The following IL16 variants were observed in gnomAD, a reference collection of about 807,000 sequenced individuals.
IL16 encodes the protein interleukin 16.
IL16 carries 67 observed loss-of-function variants against 110.1 expected under a neutral mutation model. The ratio of observed to expected loss-of-function variants is 0.61; its 90% confidence interval spans 0.50 to 0.75. The LOEUF is 0.75. IL16 is among the 30% of genes least tolerant of loss of function. The probability of loss-of-function intolerance (pLI) is 0.00; values close to 1 mark genes in which losing one functional copy is unlikely to be tolerated. For missense variants in IL16, 1,545 were observed against 1,655.0 expected (o/e 0.93, Z 1.15); for synonymous variants, 689 against 662.9 (o/e 1.04, Z -0.61).
At chr15:81,191,947 A>G (rs961106400), upstream of IL16, among the ~76,000 whole-genome samples, 1 of 152,198 alleles carries the variant, frequency 6.6e-6, no homozygotes, top group Non-Finnish European at 1.5e-5. Flanking sequence ...GAATTTGGGT[A>G]TTATTTTGGA....
rs746672719 is a variant in IL16, at chr15:81,278,799, C to CT, written c.791-15dup. On this transcript the variant is annotated splice_polypyrimidine_tract_variant and intron_variant, in intron 6 of 18. Transcript: ENST00000683961. ...TTGGGCAACACTCTTCTTAGCTACA[C>CT]TTTCTCTCTCTAAACAGGTGATGAA... 6.4e-7 allele frequency: 1 copy of CT among 1,565,560 alleles called. No individual in the cohort carries two copies. Among genetic ancestry groups the CT allele is most frequent in the African/African-American group, 1.4e-5 (1 of 73,718 alleles).
chr15:81,198,203 G>A (rs1480481230), intron 1 of IL16, among the ~76,000 whole-genome samples: 2 of 151,984 alleles, frequency 1.3e-5, no homozygotes, highest in Admixed American at 6.6e-5. Context: ...ATAAAACTTA[G>A]TACCCCAACC....
chr15:81,293,139 T>G (rs1310299016), intron 12 of IL16, 102 bp downstream of exon 12: 1 of 1,263,202 alleles, frequency 7.9e-7, no homozygotes, highest in Non-Finnish European at 1.1e-6. Flanking sequence ...GAATGAAAGT[T>G]TCTCCTGCTC....
intron 2 of IL16, among the ~76,000 whole-genome samples, chr15:81,234,475 T>C (rs1199816766): frequency 2.6e-5 from 4 of 152,208 alleles, no homozygotes; most frequent in African/African-American, 4.8e-5. Flanking sequence ...ATTAGTCTTA[T>C]ATAAATTTGT....
intron 2 of IL16, among the ~76,000 whole-genome samples, chr15:81,238,824 T>G (rs1897256088): frequency 7.0e-6 from 1 of 141,894 alleles, no homozygotes; most frequent in South Asian, 2.1e-4. Context: ...ATGAATTCTT[T>G]TAGTTTTTTT....
At position 81,292,779 on chromosome 15, in the gene IL16, G is replaced by A. The variant is rs544587645; in HGVS notation, c.1644G>A (p.Leu548=). The change falls in exon 12 of 19, where the codon CTG becomes CTA. Residue 548 remains leucine (L), a synonymous_variant. Coordinates refer to ENST00000683961, the MANE Select transcript of IL16 (RefSeq NM_172217.5). The stretch of plus-strand genomic sequence containing the variant: ...GCACACACAGCCCCAGCTTGCCTCT[G>A]GCACGGGAGCCAGTGGTGCTTTCTA... ...DISTHSPSLP[L]AREPVVLSIA... 8.2e-5 allele frequency: 132 copies of A among 1,614,176 alleles called. 1 individual carries two copies. The South Asian group carries it at 1.4e-3, about 17-fold the overall frequency.
chr15:81,211,186 A>T (rs1418376048), intron 1 of IL16, among the ~76,000 whole-genome samples: 1 of 151,256 alleles, frequency 6.6e-6, no homozygotes, highest in African/African-American at 2.4e-5. Flanking sequence ...CAACCTCCTG[A>T]GTAGCTGGGA....
chr15:81,287,586 TC>T (rs907710765), intron 10 of IL16, among the ~76,000 whole-genome samples: 11 of 152,000 alleles, frequency 7.2e-5, no homozygotes, highest in South Asian at 2.1e-4. Context: ...GTGTGATATT[TC>T]CCCCCCAACT....
intron 1 of IL16, among the ~76,000 whole-genome samples, chr15:81,202,895 G>T (rs1204750243): frequency 6.6e-6 from 1 of 150,940 alleles, no homozygotes; most frequent in East Asian, 2.0e-4. Flanking sequence ...CTGAGGAATC[G>T]CCACACTGAC....
intron 10 of IL16, 112 bp from the exon 11 acceptor site, chr15:81,290,341 T>C: frequency 1.5e-6 from 1 of 645,490 alleles, no homozygotes; most frequent in South Asian, 2.1e-5. Context: ...CAGAGTGGGT[T>C]GAAATAAAAT....
intron 6 of IL16, among the ~76,000 whole-genome samples, chr15:81,276,901 C>T (rs1398036946): frequency 6.6e-6 from 1 of 152,010 alleles, no homozygotes; most frequent in African/African-American, 2.4e-5. Flanking sequence ...GCAGAAATAA[C>T]AAAGAGGAGC....
chr15:81,266,631 CCTT>C (rs1039986275), intron 4 of IL16, among the ~76,000 whole-genome samples: 11 of 152,192 alleles, frequency 7.2e-5, no homozygotes, highest in African/African-American at 2.7e-4. Context: ...TCTCACCCCT[CCTT>C]CTCTGATCTC....
At chr15:81,228,596 G>A (rs1896870095) in intron 2 of IL16, among the ~76,000 whole-genome samples, 2 of 152,056 alleles carry the variant, frequency 1.3e-5, no homozygotes, top group Non-Finnish European at 2.9e-5. Flanking sequence ...AGTGCTTGGG[G>A]GAGTGAGCCA....
chr15:81,281,767 A>G (rs1280546428), intron 8 of IL16, among the ~76,000 whole-genome samples: 1 of 152,216 alleles, frequency 6.6e-6, no homozygotes, highest in East Asian at 1.9e-4. Context: ...TTATTTGTTA[A>G]GTTTCTATAC....
At chr15:81,234,017 C>A (rs1445686966) in intron 2 of IL16, among the ~76,000 whole-genome samples, 2 of 152,084 alleles carry the variant, frequency 1.3e-5, no homozygotes, top group African/African-American at 4.8e-5. Context: ...AATGCTCTTA[C>A]AATTTCGAAA....
rs1900422447 is a variant in IL16, at chr15:81,303,959, G to A, written c.3420+309G>A. Among the ~76,000 whole-genome samples, 1 of 152,204 alleles carries A rather than the reference G, an allele frequency of 6.6e-6. No individual in the cohort carries two copies. Among genetic ancestry groups the A allele is most frequent in the African/African-American group, 2.4e-5 (1 of 41,440 alleles). On this transcript the variant is annotated intron_variant, in intron 16 of 18. Coordinates refer to ENST00000683961, the MANE Select transcript of IL16 (RefSeq NM_172217.5). The surrounding 1 kb of genome is among the most constrained non-coding windows in gnomAD (Gnocchi z 4.1). ...GGTTTCTGGTTCTGCCAGTTTTGTG[G>A]AGCCATGCTGCGGCTGCTCGCTCTC...
Position 81,269,719 on chromosome 15 carries a change from G to C in IL16, c.675+71G>C, listed in dbSNP as rs1596014343. ...AGTCTCCAAGGAGCTGCTGTGTCCA[G>C]GGAAGGATGGGAATAGGACTACTGG... On this transcript the variant is annotated intron_variant, in intron 5 of 18. Transcript: ENST00000683961. The C allele has an allele frequency of 3.8e-6, 4 of 1,065,318 alleles. No individual in the cohort carries two copies. In the East Asian group the frequency reaches 7.1e-5, roughly 19 times the overall value. 66.0% of individuals were successfully genotyped at this position (1,065,318 alleles called of 1,614,324 possible).
chr15:81,263,226 T>C lies in IL16; in HGVS notation c.422-2433T>C, dbSNP rs140531997. 2.4e-4 allele frequency among the ~76,000 whole-genome samples: 37 copies of C among 152,326 alleles called. No homozygotes were observed. In the East Asian group the frequency reaches 6.9e-3, roughly 29 times the overall value. ...GTTAGCTTGGTGTTATTCATCCCTT[T>C]TCCATGGATTTTTCCATTTTGTAAT... On this transcript the variant is annotated intron_variant, in intron 3 of 18. Transcript: ENST00000683961.
upstream of IL16, among the ~76,000 whole-genome samples, chr15:81,192,711 A>T (rs1031848422): frequency 1.3e-5 from 2 of 152,254 alleles, no homozygotes; most frequent in Non-Finnish European, 1.5e-5. Context: ...ACCTGCTATT[A>T]TGTGAAAAAT....
Sources: gnomAD v4.1 joint callset for allele counts (sites outside exome capture counted in the v4.1 genomes callset) on GRCh38, gnomAD v4.1.1 for gene constraint, Gnocchi (gnomAD v3.1) non-coding constraint, MANE v1.5 for transcripts, NCBI Gene and HGNC (gene_info 2026-07-23, HGNC 2026-07-21) for gene names.